The following ZC3HC1 variants were observed in gnomAD, a reference collection of about 807,000 sequenced individuals.
ZC3HC1 encodes the protein zinc finger C3HC-type containing 1.
A neutral mutation model predicts 61.9 loss-of-function variants in ZC3HC1; 38 were observed. The ratio of observed to expected loss-of-function variants is 0.61; its 90% CI spans 0.47 to 0.81. The LOEUF is 0.81. Among genes scored for constraint, ZC3HC1 ranks in the 30% least tolerant of loss-of-function variants. The pLI is 0.00. For synonymous variants in ZC3HC1, 213 were observed against 229.9 expected (o/e 0.93, Z 0.67); for missense variants, 554 against 622.7 (o/e 0.89, Z 1.17).
chr7:130,022,380 G>A lies in ZC3HC1; in HGVS notation c.1379C>T (p.Ala460Val). Residue 460 changes from alanine (A) to valine (V), a missense_variant, in exon 9 of 10, where the codon GCA (alanine) becomes GTA (valine). Physicochemically the swap from Ala to Val is moderately conservative, Grantham distance 64 (BLOSUM62 0). Transcript: ENST00000358303. ...ASAPAEPGWK[A>V]VLTILLAHKQ... ...GTGCGCCAAGAGGATGGTCAGCACT[G>A]CTTTCCAGCCTGGCTCTGCTGGGGC... 1 of 1,613,942 alleles carries A rather than the reference G, an allele frequency of 6.2e-7. No individual in the cohort carries two copies. The highest frequency in any genetic ancestry group is 8.5e-7 in the Non-Finnish European group (1 of 1,179,950).
chr7:130,042,793 CT>C (rs1563084269), intron 2 of ZC3HC1, among the ~76,000 whole-genome samples: 1 of 152,152 alleles, frequency 6.6e-6, no homozygotes, highest in Non-Finnish European at 1.5e-5. Context: ...ACCGATTCTC[CT>C]GCCTCAGCCT....
At chr7:130,026,957 A>G (rs1793939894) in intron 5 of ZC3HC1, 1 of 149,040 alleles carries the variant, frequency 6.7e-6, no homozygotes, top group East Asian at 2.0e-4. Context: ...GCGAATGAGC[A>G]AGACTCCGTA....
chr7:130,030,219 G>T (rs1794115034), intron 4 of ZC3HC1, among the ~76,000 whole-genome samples: 1 of 129,272 alleles, frequency 7.7e-6, no homozygotes. Flanking sequence ...TTTTTTCCGA[G>T]ACAGAGTTTT....
chr7:130,047,571 T>C (rs985467380), intron 2 of ZC3HC1, among the ~76,000 whole-genome samples: 1 of 151,914 alleles, frequency 6.6e-6, no homozygotes, highest in African/African-American at 2.4e-5. Flanking sequence ...TCTGGGAGGC[T>C]GTGGCAGCAT....
At position 130,018,670 on chromosome 7, in the gene ZC3HC1, T is replaced by C. The variant is rs1793478985; in HGVS notation, c.1503A>G (p.Ser501=). The change falls in exon 10 of 10, where the codon TCA becomes TCG. Residue 501 remains serine, a synonymous_variant. Coordinates refer to ENST00000358303, the MANE Select transcript of ZC3HC1 (RefSeq NM_016478.5). ...GGAAGGCGCTGGAGTATCTTCAGCA[T>C]GAGCACAGAGATTCCCACTGCCGAA... ...RIFRQWESLC[S]C 2 of 1,609,590 alleles carry C rather than the reference T, an allele frequency of 1.2e-6. No individual in the cohort carries two copies. Among genetic ancestry groups the C allele is most frequent in the Non-Finnish European group, 8.5e-7 (1 of 1,176,742 alleles).
Position 130,040,938 on chromosome 7 carries a change from A to G in ZC3HC1, c.409+13T>C, listed in dbSNP as rs1794634014. Reference sequence around the variant, plus strand: ...GAGTGTGGAGAAAAATGTAATTTGTACCTTATACTTACATCTGTCAAAGTC... The same window carrying G: ...GAGTGTGGAGAAAAATGTAATTTGTGCCTTATACTTACATCTGTCAAAGTC... On this transcript the variant is annotated intron_variant, in intron 3 of 9. Coordinates refer to ENST00000358303, the MANE Select transcript of ZC3HC1 (RefSeq NM_016478.5). 1 of 1,604,198 alleles carries G rather than the reference A, an allele frequency of 6.2e-7. No individual in the cohort carries two copies. Among genetic ancestry groups the G allele is most frequent in the Admixed American group, 1.8e-5 (1 of 57,134 alleles).
intron 2 of ZC3HC1, among the ~76,000 whole-genome samples, chr7:130,047,287 G>A (rs1353796936): frequency 6.6e-6 from 1 of 151,960 alleles, no homozygotes; most frequent in Non-Finnish European, 1.5e-5. Context: ...GTAGCGTCAG[G>A]GTTTCACCAT....
intron 4 of ZC3HC1, among the ~76,000 whole-genome samples, chr7:130,033,406 C>G (rs1168425421): frequency 7.1e-6 from 1 of 139,968 alleles, no homozygotes; most frequent in Admixed American, 7.0e-5. Context: ...GCTGGCTATT[C>G]TATTCTTTTA....
At position 130,048,463 on chromosome 7, in the gene ZC3HC1, T is replaced by C. The variant is rs763810149; in HGVS notation, c.258+570A>G. On this transcript the variant is annotated intron_variant, in intron 2 of 9. Coordinates refer to ENST00000358303, the MANE Select transcript of ZC3HC1 (RefSeq NM_016478.5). ...AGGACTCAGCTAAGCCATGCCTGGA[T>C]TCCTGATCCACAGAAATTATGAAAT... Among the ~76,000 whole-genome samples the C allele has an allele frequency of 8.5e-5, 13 of 152,180 alleles. No homozygotes were observed. The South Asian group carries it at 2.7e-3, about 31-fold the overall frequency.
intron 2 of ZC3HC1, among the ~76,000 whole-genome samples, chr7:130,045,666 C>T (rs1241456676): frequency 3.9e-5 from 6 of 152,026 alleles, no homozygotes; most frequent in African/African-American, 1.4e-4. Flanking sequence ...CTTTGGGAGG[C>T]TGAGGTGGGT....
chr7:130,028,002 A>C (rs1416476751), intron 5 of ZC3HC1, among the ~76,000 whole-genome samples: 2 of 150,218 alleles, frequency 1.3e-5, no homozygotes, highest in East Asian at 4.1e-4. Flanking sequence ...CCCTGTCTCT[A>C]CTAAAATTAC....
intron 4 of ZC3HC1, among the ~76,000 whole-genome samples, chr7:130,035,121 G>A (rs1258020490): frequency 6.6e-6 from 1 of 152,072 alleles, no homozygotes; most frequent in African/African-American, 2.4e-5. Context: ...CAGGCACAGT[G>A]GTTCACGCTT....
In ZC3HC1 at chr7:130,023,716, T is replaced by C. The variant is rs1563074276; in HGVS notation, c.1028A>G (p.Lys343Arg). ...TFSPGSEQAEKSPGPIVSRTR... is the reference protein window; with the variant it reads ...TFSPGSEQAERSPGPIVSRTR... ...TCGAGAGACAATGGGACCAGGGCTC[T>C]TTTCAGCCTGAAGGAAAGGGGAGAT... The change falls in exon 8 of 10, where the codon AAG becomes AGG. Residue 343 changes from lysine (K) to arginine (R), a missense_variant. Transcript: ENST00000358303. The surrounding 1 kb of genome is among the most constrained non-coding windows in gnomAD (Gnocchi z 4.2). The C allele has an allele frequency of 6.2e-7, 1 of 1,613,358 alleles. No individual in the cohort carries two copies. Among genetic ancestry groups the C allele is most frequent in the East Asian group, 2.2e-5 (1 of 44,886 alleles).
Position 130,023,425 on chromosome 7 carries a change from G to C in ZC3HC1, c.1233+86C>G. ...TACTTTTTGCATTGGACCACGGAAGGGCTCCTGCCTGCTTCTCCATGCTGC... is the reference window on the plus strand; with the variant it reads ...TACTTTTTGCATTGGACCACGGAAGCGCTCCTGCCTGCTTCTCCATGCTGC... On this transcript the variant is annotated intron_variant, in intron 8 of 9. Transcript: ENST00000358303. The surrounding 1 kb of genome is among the most constrained non-coding windows in gnomAD (Gnocchi z 4.2). 1 of 1,326,950 alleles carries C rather than the reference G, an allele frequency of 7.5e-7. No homozygotes were observed. Among genetic ancestry groups the C allele is most frequent in the Non-Finnish European group, 1.0e-6 (1 of 952,858 alleles). The allele number at this position is 1,326,950 out of a possible 1,614,324, so 82.2% of individuals were successfully genotyped here. A position where few individuals can be genotyped will look rare whatever the true frequency, so the allele number is the denominator to read the frequency against.
At position 130,039,276 on chromosome 7, in the gene ZC3HC1, G is replaced by A. The variant is rs113455241; in HGVS notation, c.493+188C>T. On this transcript the variant is annotated intron_variant, in intron 4 of 9. Transcript: ENST00000358303. ...GGAGAATTGCTTGAACGCGGGAGGCGAAGGTTGCAGTGAGCCAAGATCGCG... is the reference window on the plus strand; with the variant it reads ...GGAGAATTGCTTGAACGCGGGAGGCAAAGGTTGCAGTGAGCCAAGATCGCG... 4.5e-4 allele frequency: 257 copies of A among 574,382 alleles called. 1 individual carries two copies. Among genetic ancestry groups the A allele is most frequent in the African/African-American group, 4.4e-3 (231 of 52,922 alleles). The allele number at this position is 574,382 out of a possible 1,614,324, so 35.6% of individuals were successfully genotyped here.
chr7:130,050,786 T>G (rs1356636575), intron 1 of ZC3HC1, among the ~76,000 whole-genome samples: 1 of 152,254 alleles, frequency 6.6e-6, no homozygotes, highest in Non-Finnish European at 1.5e-5. Flanking sequence ...CGTAACTTTT[T>G]CCTTTTACCA....
In ZC3HC1 at chr7:130,028,038, G is replaced by A. The variant is rs1335237622; in HGVS notation, c.621+864C>T. Among the ~76,000 whole-genome samples the A allele has an allele frequency of 3.3e-5, 5 of 150,740 alleles. No homozygotes were observed. In the South Asian group the frequency reaches 8.4e-4, roughly 25 times the overall value. On this transcript the variant is annotated intron_variant, in intron 5 of 9. Transcript: ENST00000358303. ...AAAAATTAGCTAGGCGTGGTCGCAC[G>A]TGCCTGTAATCCCAGCTACTTGGGA... is the stretch of plus-strand genomic sequence containing the variant.
chr7:130,033,805 T>G (rs1794318213), intron 4 of ZC3HC1, among the ~76,000 whole-genome samples: 2 of 152,198 alleles, frequency 1.3e-5, no homozygotes, highest in Non-Finnish European at 2.9e-5. Flanking sequence ...CAGGATATTC[T>G]GGATCCAAGT....
chr7:130,043,631 C>T (rs1323463458), intron 2 of ZC3HC1: 2 of 225,352 alleles, frequency 8.9e-6, no homozygotes, highest in Non-Finnish European at 1.8e-5. Flanking sequence ...AAAATACCTT[C>T]CCTTTCCTGA....
Sources: allele counts gnomAD v4.1 joint callset (sites outside exome capture counted in the v4.1 genomes callset), GRCh38; gene constraint gnomAD v4.1.1; non-coding constraint Gnocchi (gnomAD v3.1); transcripts MANE v1.5; gene names NCBI Gene and HGNC (gene_info 2026-07-23, HGNC 2026-07-21).